ABCD3: variants seen among roughly 807,000 people sequenced by gnomAD.
ABCD3 encodes the protein ATP-binding cassette sub-family D member 3.
In ABCD3, 41 loss-of-function variants were observed where a neutral mutation model predicts 105.5. The observed-to-expected ratio is 0.39, with a 90% CI of 0.30 to 0.50. The LOEUF is 0.50. ABCD3 is among the 20% of genes least tolerant of loss of function. The probability of loss-of-function intolerance (pLI) is 0.84; values close to 1 mark genes in which losing one functional copy is unlikely to be tolerated. For missense variants in ABCD3, 622 were observed against 806.3 expected, an observed-to-expected ratio of 0.77 and a Z score of 2.77; for synonymous variants, 258 against 269.0, an observed-to-expected ratio of 0.96 and a Z score of 0.40.
Position 94,448,399 on chromosome 1 carries a change from G to A in ABCD3, c.111-10208G>A, listed in dbSNP as rs1660439090. ...TTCAATTTTTGAAATGAACTAATTG[G>A]ATCCTCCCTAGAATAACTAAATTTA... is the stretch of plus-strand genomic sequence containing the variant. On this transcript the variant is annotated intron_variant, in intron 1 of 22. Coordinates refer to ENST00000370214, the MANE Select transcript of ABCD3 (RefSeq NM_002858.4). Among the ~76,000 whole-genome samples, 4 of 152,146 alleles carry A rather than the reference G, an allele frequency of 2.6e-5. No homozygotes were observed. The South Asian group carries it at 6.2e-4, about 24-fold the overall frequency.
intron 1 of ABCD3, among the ~76,000 whole-genome samples, chr1:94,442,613 T>C (rs991960928): frequency 2.6e-5 from 4 of 152,178 alleles, no homozygotes; most frequent in African/African-American, 9.6e-5. Flanking sequence ...TTTGCAACCC[T>C]CACCCCGCCA....
rs144861753 is a variant in ABCD3, at chr1:94,428,183, G to A, written c.110+9595G>A. ...GCTAGATTAGCAGGCCCGAGTGAATGCAGTTAAGTTAATAAAGTATAAAAT... is the reference window on the plus strand; with the variant it reads ...GCTAGATTAGCAGGCCCGAGTGAATACAGTTAAGTTAATAAAGTATAAAAT... On this transcript the variant is annotated intron_variant, in intron 1 of 22. Transcript: ENST00000370214. Among the ~76,000 whole-genome samples, 20 of 151,682 alleles carry A rather than the reference G, an allele frequency of 1.3e-4. No homozygotes were observed. In the East Asian group the frequency reaches 3.9e-3, roughly 29 times the overall value.
At chr1:94,421,406 C>G (rs1049904713) in intron 1 of ABCD3, among the ~76,000 whole-genome samples, 1 of 152,158 alleles carries the variant, frequency 6.6e-6, no homozygotes, top group African/African-American at 2.4e-5. Context: ...GATTCCAGCA[C>G]TGCTAAGCTA....
chr1:94,430,157 C>G (rs1659618461), intron 1 of ABCD3, among the ~76,000 whole-genome samples: 1 of 152,206 alleles, frequency 6.6e-6, no homozygotes, highest in Non-Finnish European at 1.5e-5. Flanking sequence ...TTTGTTTTGA[C>G]CAATTTCTCC....
At chr1:94,400,348 G>C in the ABCD3 span, among the ~76,000 whole-genome samples, 2 of 151,550 alleles carry the variant, frequency 1.3e-5, no homozygotes, top group East Asian at 3.9e-4. Flanking sequence ...AGGTTGCAAT[G>C]AGCCGAGATC....
chr1:94,457,965 G>T (rs1412625643), intron 1 of ABCD3, among the ~76,000 whole-genome samples: 2 of 152,110 alleles, frequency 1.3e-5, no homozygotes, highest in African/African-American at 4.8e-5. Flanking sequence ...TTTAAAACGT[G>T]ATCAATGTTA....
In ABCD3 at chr1:94,517,360, G is replaced by A. The variant is rs150050725; in HGVS notation, c.*231G>A. On this transcript the variant is annotated 3_prime_UTR_variant, in exon 23 of 23. Transcript: ENST00000370214. Reference sequence around the variant, plus strand: ...TTAATTAATAATATGTACTAAGAATGTCCTTATTCTTGTGGTTAAAAACCT... The same window carrying A: ...TTAATTAATAATATGTACTAAGAATATCCTTATTCTTGTGGTTAAAAACCT... 1.1e-3 allele frequency: 489 copies of A among 436,452 alleles called. No homozygotes were observed. Among genetic ancestry groups the A allele is most frequent in the African/African-American group, 9.3e-3 (459 of 49,588 alleles). The allele number at this position is 436,452 out of a possible 1,614,324, so 27.0% of individuals were successfully genotyped here. A position where few individuals can be genotyped will look rare whatever the true frequency, so the allele number is the denominator to read the frequency against.
intron 16 of ABCD3, 128 bp from the exon 17 acceptor site, chr1:94,498,474 A>C (rs978727319): frequency 1.0e-6 from 1 of 960,866 alleles, no homozygotes; most frequent in Non-Finnish European, 1.6e-6. Flanking sequence ...CTAATGCTAC[A>C]TTTACAGACA....
At chr1:94,387,737 C>T in the ABCD3 span, among the ~76,000 whole-genome samples, 1 of 152,160 alleles carries the variant, frequency 6.6e-6, no homozygotes, top group Non-Finnish European at 1.5e-5. Context: ...CAGTGTTATG[C>T]GATCTTCAGC....
intron 1 of ABCD3, among the ~76,000 whole-genome samples, chr1:94,448,577 T>G (rs1201410354): frequency 6.6e-6 from 1 of 152,268 alleles, no homozygotes; most frequent in Non-Finnish European, 1.5e-5. Flanking sequence ...TTGACTGCTT[T>G]TAATATGCCT....
At chr1:94,490,663 TC>T (rs1649488626) in intron 15 of ABCD3, among the ~76,000 whole-genome samples, 2 of 152,082 alleles carry the variant, frequency 1.3e-5, no homozygotes, top group Non-Finnish European at 2.9e-5. Flanking sequence ...CTTTATCCTC[TC>T]ATCAGTTGAA....
chr1:94,429,860 A>G (rs753961377), intron 1 of ABCD3, among the ~76,000 whole-genome samples: 25 of 152,236 alleles, frequency 1.6e-4, no homozygotes, highest in Non-Finnish European at 3.2e-4. Flanking sequence ...TAGTGGAGCC[A>G]TGAGAAGAGG....
Position 94,517,242 on chromosome 1 carries a change from AAGCAAC to A in ABCD3, c.*115_*120del. 1.2e-6 allele frequency: 1 copy of A among 820,772 alleles called. No homozygotes were observed. The highest frequency in any genetic ancestry group is 2.0e-6 in the Non-Finnish European group (1 of 489,614). The allele number at this position is 820,772 out of a possible 1,614,324, so 50.8% of individuals were successfully genotyped here. ...TTAGTTTTTTTTAAAAAAAAAAACA[AAGCAAC>A]AAATTAACTAGATACAGAATAATGG... On this transcript the variant is annotated 3_prime_UTR_variant, in exon 23 of 23. Transcript: ENST00000370214.
the ABCD3 span, among the ~76,000 whole-genome samples, chr1:94,389,460 G>T: frequency 6.6e-6 from 1 of 152,220 alleles, no homozygotes; most frequent in Non-Finnish European, 1.5e-5. Flanking sequence ...TAGCATGAGC[G>T]ATCTGTGCCT....
chr1:94,418,186 A>G (rs926421641), upstream of ABCD3, among the ~76,000 whole-genome samples: 5 of 152,190 alleles, frequency 3.3e-5, no homozygotes, highest in African/African-American at 1.2e-4. Context: ...CTGAGTAGCA[A>G]CAGCTCCTCC....
intron 1 of ABCD3, among the ~76,000 whole-genome samples, chr1:94,436,573 T>G (rs2100902258): frequency 6.6e-6 from 1 of 152,368 alleles, no homozygotes; most frequent in East Asian, 1.9e-4. Context: ...GGCGGTAATG[T>G]GTTTTTTACA....
chr1:94,456,645 C>A (rs1001978895), intron 1 of ABCD3, among the ~76,000 whole-genome samples: 1 of 151,172 alleles, frequency 6.6e-6, no homozygotes, highest in Non-Finnish European at 1.5e-5. Context: ...ATCCATTGAT[C>A]TCTCGATGGA....
At chr1:94,508,374 A>G (rs1010867908) in intron 21 of ABCD3, among the ~76,000 whole-genome samples, 2 of 152,132 alleles carry the variant, frequency 1.3e-5, no homozygotes, top group Non-Finnish European at 2.9e-5. Flanking sequence ...TAACAGTACC[A>G]TGCTGTTTTG....
At chr1:94,431,046 A>G (rs1000559172) in intron 1 of ABCD3, among the ~76,000 whole-genome samples, 1 of 152,202 alleles carries the variant, frequency 6.6e-6, no homozygotes, top group African/African-American at 2.4e-5. Flanking sequence ...CAATGATGGC[A>G]TTTAGCTAAA....
Sources: gnomAD v4.1 joint callset for allele counts (sites outside exome capture counted in the v4.1 genomes callset) on GRCh38, gnomAD v4.1.1 for gene constraint, MANE v1.5 for transcripts, NCBI Gene and HGNC (gene_info 2026-07-23, HGNC 2026-07-21) for gene names.